Variants in GALNT17 observed in about 807,000 individuals in gnomAD.
The protein encoded by GALNT17 is UDP-GalNAc:polypeptide N-acetylgalactosaminyltransferase-like 3.
Under a neutral mutation model 63.7 loss-of-function variants are expected in GALNT17, and 29 were observed. That is an observed-to-expected ratio of 0.46 (90% CI 0.34 to 0.62). GALNT17 has a LOEUF of 0.62. Ranked by LOEUF, GALNT17 falls within the 20% of genes least tolerant of loss-of-function variation. GALNT17 has a pLI of 0.01. For missense variants in GALNT17, 603 were observed against 799.6 expected (o/e 0.75, Z 2.97); for synonymous variants, 305 against 318.3 (o/e 0.96, Z 0.45).
chr7:71,504,645 A>C (rs546478486), intron 5 of GALNT17, among the ~76,000 whole-genome samples: 1 of 152,042 alleles, frequency 6.6e-6, no homozygotes. Flanking sequence ...ACTTATTTAC[A>C]TAGTTTACTT....
chr7:71,278,614 G>T (rs1420830184), intron 1 of GALNT17, among the ~76,000 whole-genome samples: 1 of 152,208 alleles, frequency 6.6e-6, no homozygotes, highest in Non-Finnish European at 1.5e-5. Flanking sequence ...CAGGGCTGGG[G>T]AGGCCTCAGA....
At chr7:71,311,319 C>T (rs890566723) in intron 1 of GALNT17, among the ~76,000 whole-genome samples, 6 of 152,226 alleles carry the variant, frequency 3.9e-5, no homozygotes, top group East Asian at 1.9e-4. Context: ...TTTGGCAGGC[C>T]GACTCATTTG....
At chr7:71,419,934 G>A (rs1786628588) in intron 4 of GALNT17, among the ~76,000 whole-genome samples, 1 of 152,180 alleles carries the variant, frequency 6.6e-6, no homozygotes, top group African/African-American at 2.4e-5. Context: ...TGAGCCAACA[G>A]GTAATTCAAT....
At chr7:71,278,640 G>C (rs1425714809) in intron 1 of GALNT17, among the ~76,000 whole-genome samples, 4 of 152,172 alleles carry the variant, frequency 2.6e-5, no homozygotes, top group Admixed American at 1.3e-4. Flanking sequence ...TACAATCATG[G>C]AGGAAGGGGA....
chr7:71,364,556 G>C (rs762655299), intron 2 of GALNT17, among the ~76,000 whole-genome samples: 1 of 152,102 alleles, frequency 6.6e-6, no homozygotes, highest in Non-Finnish European at 1.5e-5. Context: ...ACATTTTATG[G>C]GGTAGTGCAG....
intron 5 of GALNT17, among the ~76,000 whole-genome samples, chr7:71,527,766 C>T (rs781007565): frequency 2.2e-4 from 33 of 152,130 alleles, no homozygotes; most frequent in Non-Finnish European, 3.8e-4. Flanking sequence ...TGTATGCGCA[C>T]GCGTGCATGC....
rs1017394792 is a variant in GALNT17 at position 71,258,006 on chromosome 7, C to T, written c.239-77544C>T. ...TCTAAACCCAAATCATCGCTCCCCT[C>T]GGCCGTATCCATGGCCTCCCGCCAT... On this transcript the variant is annotated intron_variant, in intron 1 of 10. Transcript: ENST00000333538. Among the ~76,000 whole-genome samples the T allele has an allele frequency of 1.4e-4, 21 of 152,194 alleles. No homozygotes were observed. The East Asian group carries it at 2.3e-3, about 17-fold the overall frequency.
At chr7:71,364,640 G>A (rs141766710) in intron 2 of GALNT17, among the ~76,000 whole-genome samples, 232 of 152,282 alleles carry the variant, frequency 1.5e-3, no homozygotes, top group African/African-American at 5.3e-3. Flanking sequence ...CCCAGGCATG[G>A]AGTCAGGGAG....
chr7:71,330,465 A>T (rs1457658917), intron 1 of GALNT17, among the ~76,000 whole-genome samples: 1 of 152,152 alleles, frequency 6.6e-6, no homozygotes, highest in Non-Finnish European at 1.5e-5. Flanking sequence ...TGGTGTAATC[A>T]TAGCTCATTG....
At chr7:71,334,694 G>A (rs1404965864) in intron 1 of GALNT17, among the ~76,000 whole-genome samples, 2 of 152,166 alleles carry the variant, frequency 1.3e-5, no homozygotes, top group African/African-American at 4.8e-5. Flanking sequence ...TGTTACAGAG[G>A]CCTCCAAGTC....
At chr7:71,646,437 G>A (rs1216236754) in intron 6 of GALNT17, among the ~76,000 whole-genome samples, 1 of 152,158 alleles carries the variant, frequency 6.6e-6, no homozygotes, top group African/African-American at 2.4e-5. Flanking sequence ...CTGGGACTCA[G>A]CGTGTTTCTA....
intron 8 of GALNT17, among the ~76,000 whole-genome samples, chr7:71,674,280 A>G (rs1425786799): frequency 6.6e-6 from 1 of 151,944 alleles, no homozygotes; most frequent in Admixed American, 6.6e-5. Flanking sequence ...TATATTTCAG[A>G]TGGACTATAG....
At chr7:71,521,872 A>T (rs1382013405) in intron 5 of GALNT17, among the ~76,000 whole-genome samples, 1 of 152,334 alleles carries the variant, frequency 6.6e-6, no homozygotes. Context: ...GAGTGCTTTC[A>T]TAATCATAGA....
intron 3 of GALNT17, among the ~76,000 whole-genome samples, chr7:71,399,858 TA>T (rs1026166017): frequency 1.7e-4 from 26 of 152,144 alleles, no homozygotes; most frequent in Admixed American, 1.6e-3. Context: ...AGTGTGCATT[TA>T]AAAAAATAGT....
chr7:71,324,355 A>T (rs1791667776), intron 1 of GALNT17, among the ~76,000 whole-genome samples: 1 of 152,146 alleles, frequency 6.6e-6, no homozygotes, highest in Non-Finnish European at 1.5e-5. Context: ...AGATATTCAG[A>T]GTTCACACCA....
chr7:71,475,314 T>C lies in GALNT17; in HGVS notation c.962+54209T>C, dbSNP rs1247432046. On this transcript the variant is annotated intron_variant, in intron 5 of 10. Coordinates refer to ENST00000333538, the MANE Select transcript of GALNT17 (RefSeq NM_022479.3). ...ATTGTAATATATAATGAAAGAATTA[T>C]ACAACTCACCATAATGTAGAATCAG... Among the ~76,000 whole-genome samples, 4 of 152,344 alleles carry C rather than the reference T, an allele frequency of 2.6e-5. No homozygotes were observed. In the East Asian group the frequency reaches 7.7e-4, roughly 29 times the overall value.
chr7:71,511,140 C>G (rs1012157623), intron 5 of GALNT17, among the ~76,000 whole-genome samples: 1 of 152,096 alleles, frequency 6.6e-6, no homozygotes, highest in Admixed American at 6.6e-5. Flanking sequence ...CATGATCATG[C>G]ACCATACTCC....
chr7:71,183,890 C>CAA (rs879350868), intron 1 of GALNT17, among the ~76,000 whole-genome samples: 4 of 143,528 alleles, frequency 2.8e-5, no homozygotes, highest in Non-Finnish European at 6.1e-5. Context: ...GACTCCATCT[C>CAA]AAAAAAAAAA....
chr7:71,709,070 G>A (rs144768250), intron 9 of GALNT17, among the ~76,000 whole-genome samples: 1 of 152,180 alleles, frequency 6.6e-6, no homozygotes, highest in Non-Finnish European at 1.5e-5. Flanking sequence ...CCTTTGGGTA[G>A]ATACCCAGTA....
Sources: allele counts gnomAD v4.1 joint callset (sites outside exome capture counted in the v4.1 genomes callset), GRCh38; gene constraint gnomAD v4.1.1; transcripts MANE v1.5; gene names NCBI Gene and HGNC (gene_info 2026-07-23, HGNC 2026-07-21).